DMBT1: variants seen among roughly 807,000 people sequenced by gnomAD.
DMBT1 encodes deleted in malignant brain tumors 1, also known as scavenger receptor cysteine-rich domain-containing protein DMBT1.
Under a neutral mutation model 252.9 loss-of-function variants are expected in DMBT1, and 198 were observed. The observed-to-expected ratio is 0.78, with a 90% CI of 0.70 to 0.88. The LOEUF is 0.88. DMBT1 is among the 40% of genes least tolerant of loss of function. The probability of loss-of-function intolerance (pLI) is 0.00; values close to 1 mark genes in which losing one functional copy is unlikely to be tolerated. For synonymous variants in DMBT1, 990 were observed against 942.7 expected, an observed-to-expected ratio of 1.05 and a Z score of -0.92; for missense variants, 2,432 against 2,404.7, an observed-to-expected ratio of 1.01 and a Z score of -0.24.
chr10:122,592,363 C>CTCG lies in DMBT1; in HGVS notation c.2268_2269insTCG (p.Thr756_Val757insSer). The CTCG allele has an allele frequency of 6.3e-7, 1 of 1,588,292 alleles. No individual in the cohort carries two copies. On this transcript the variant is annotated inframe_insertion, in exon 20 of 56. Coordinates refer to ENST00000338354, the MANE Select transcript of DMBT1 (RefSeq NM_001377530.1). ...TCCTATACCGAGGCTCCTGGGGCAC[C>CTCG]GTGTGTGATGACAGCTGGGATACCA... is the stretch of plus-strand genomic sequence containing the variant.
intron 1 of DMBT1, among the ~76,000 whole-genome samples, chr10:122,565,487 G>A (rs2097582218): frequency 6.6e-6 from 1 of 152,194 alleles, no homozygotes; most frequent in South Asian, 2.1e-4. Flanking sequence ...AAGATCCAGG[G>A]ATCTCTAGAT....
At chr10:122,597,894 T>G (rs3980978) in intron 24 of DMBT1, 80 bp from the exon 25 acceptor site, 3 of 1,605,422 alleles carry the variant, frequency 1.9e-6, no homozygotes, top group Non-Finnish European at 2.6e-6. Flanking sequence ...TCATGATGTT[T>G]GCCTTCTCCG....
At chr10:122,565,106 A>G (rs577690214) in intron 1 of DMBT1, among the ~76,000 whole-genome samples, 1 of 152,348 alleles carries the variant, frequency 6.6e-6, no homozygotes, top group Non-Finnish European at 1.5e-5. Context: ...TCACTAGTTC[A>G]TCTTCCTTCT....
intron 16 of DMBT1, among the ~76,000 whole-genome samples, chr10:122,586,751 T>C (rs1045439477): frequency 6.7e-6 from 1 of 148,600 alleles, no homozygotes; most frequent in African/African-American, 2.4e-5. Flanking sequence ...GCAGGCTGCA[T>C]AGGAGCATGG....
At chr10:122,630,899 GTTTGTTGTGGGACA>G (rs2098159546) in intron 48 of DMBT1, 48 bp from the exon 49 acceptor site, 2 of 1,524,602 alleles carry the variant, frequency 1.3e-6, no homozygotes, top group Non-Finnish European at 1.8e-6. Context: ...GGCCTTTGAG[GTTTGTTGTGGGACA>G]TTTGTTGTGG....
At chr10:122,640,978 A>G (rs1844429567) in intron 55 of DMBT1, among the ~76,000 whole-genome samples, 1 of 152,096 alleles carries the variant, frequency 6.6e-6, no homozygotes, top group African/African-American at 2.4e-5. Flanking sequence ...GGCTGTTGGG[A>G]GGATGGGATG....
chr10:122,638,073 C>G (rs996674244), intron 54 of DMBT1, among the ~76,000 whole-genome samples: 3 of 152,170 alleles, frequency 2.0e-5, no homozygotes. Flanking sequence ...CCCCTCACTC[C>G]CAGGCAAATG....
chr10:122,619,573 A>G (rs2098041139), intron 42 of DMBT1, among the ~76,000 whole-genome samples: 1 of 152,224 alleles, frequency 6.6e-6, no homozygotes, highest in African/African-American at 2.4e-5. Flanking sequence ...CATACTGTAC[A>G]ATGGACAAGC....
At position 122,570,897 on chromosome 10, in the gene DMBT1, A is replaced by G. The variant is rs781045919; in HGVS notation, c.147A>G (p.Pro49=). The G allele has an allele frequency of 4.3e-6, 7 of 1,613,104 alleles. No individual in the cohort carries two copies. Among genetic ancestry groups the G allele is most frequent in the East Asian group, 2.2e-5 (1 of 44,858 alleles). The change falls in exon 4 of 56, where the codon CCA becomes CCG. Residue 49 remains proline (P), a synonymous_variant. Transcript: ENST00000338354. Reference sequence around the variant, plus strand: ...CCTTTCTCCACCCTGCAGGTTCTCCATTTCCCTCGGAGTCGACCCTGGAGT... The same window carrying G: ...CCTTTCTCCACCCTGCAGGTTCTCCGTTTCCCTCGGAGTCGACCCTGGAGT... ...PLDPTVAEGS[P]FPSESTLEST...
intron 8 of DMBT1, 107 bp from the exon 9 acceptor site, chr10:122,578,611 C>G (rs141555000): frequency 1.0e-6 from 1 of 976,754 alleles, no homozygotes; most frequent in African/African-American, 1.6e-5. Context: ...GCCAGACCTT[C>G]GAGTGGAATT....
intron 48 of DMBT1, 80 bp from the exon 49 acceptor site, chr10:122,630,881 G>C (rs2098159194): frequency 6.2e-6 from 9 of 1,445,918 alleles, no homozygotes; most frequent in Non-Finnish European, 7.5e-6. Context: ...AAGGCCTGTG[G>C]GATGCTTGGC....
chr10:122,580,744 CTGTG>C, intron 10 of DMBT1, 118 bp from the exon 11 acceptor site: 1 of 1,381,018 alleles, frequency 7.2e-7, no homozygotes, highest in Admixed American at 1.7e-5. Context: ...ATGTCCCTCC[CTGTG>C]TGATAGGAAC....
chr10:122,619,517 G>A (rs1359287929), intron 42 of DMBT1, among the ~76,000 whole-genome samples, 180 bp downstream of exon 42: 2 of 152,212 alleles, frequency 1.3e-5, no homozygotes, highest in African/African-American at 2.4e-5. Context: ...GGTTCAGGAG[G>A]CTTCTGTCTT....
chr10:122,576,749 G>A (rs780969436), intron 7 of DMBT1, 27 bp downstream of exon 7: 8 of 1,613,266 alleles, frequency 5.0e-6, no homozygotes, highest in Non-Finnish European at 5.9e-6. Context: ...CTGGAGGGTT[G>A]GGTGTGGTGG....
In DMBT1 at chr10:122,591,570, T is replaced by A. The variant is rs765303331; in HGVS notation, c.2176+53T>A. 50 of 1,513,796 alleles carry A rather than the reference T, an allele frequency of 3.3e-5. 5 individuals carry two copies. Among genetic ancestry groups the A allele is most frequent in the Non-Finnish European group, 4.2e-5 (46 of 1,104,410 alleles). 93.8% of individuals were successfully genotyped at this position (1,513,796 alleles called of 1,614,324 possible). ...GGCTCACTCTCTACCTCTGGACAAA[T>A]GTTTTCTCTGAAAATGATAGGATGA... On this transcript the variant is annotated intron_variant, in intron 19 of 55. Transcript: ENST00000338354.
intron 46 of DMBT1, among the ~76,000 whole-genome samples, chr10:122,626,624 A>T (rs1288680269): frequency 6.6e-6 from 1 of 152,174 alleles, no homozygotes; most frequent in Non-Finnish European, 1.5e-5. Flanking sequence ...GTATTTTAAG[A>T]TCTTGCTGTG....
chr10:122,640,026 C>T lies in DMBT1; in HGVS notation c.6943-14C>T. Reference sequence around the variant, plus strand: ...ACATGTGCCTGACTCTGCTCTCTTGCCTGCCTCTCCTAGGCAGACAATGAC... The same window carrying T: ...ACATGTGCCTGACTCTGCTCTCTTGTCTGCCTCTCCTAGGCAGACAATGAC... On this transcript the variant is annotated splice_polypyrimidine_tract_variant and intron_variant, in intron 54 of 55. Coordinates refer to ENST00000338354, the MANE Select transcript of DMBT1 (RefSeq NM_001377530.1). 1 of 1,608,526 alleles carries T rather than the reference C, an allele frequency of 6.2e-7. No homozygotes were observed. The highest frequency in any genetic ancestry group is 8.5e-7 in the Non-Finnish European group (1 of 1,176,198).
chr10:122,572,282 A>G (rs777300359), intron 4 of DMBT1, 32 bp from the exon 5 acceptor site: 14 of 1,612,554 alleles, frequency 8.7e-6, no homozygotes, highest in Non-Finnish European at 1.2e-5. Flanking sequence ...AAGGGCTACC[A>G]TCAATGAGCT....
chr10:122,590,363 C>T (rs775618567), intron 17 of DMBT1, among the ~76,000 whole-genome samples: 11 of 148,926 alleles, frequency 7.4e-5, no homozygotes, highest in Non-Finnish European at 1.0e-4. Context: ...CTGGAGTGGC[C>T]TCTTCATACT....
Sources: gnomAD v4.1 joint callset for allele counts (sites outside exome capture counted in the v4.1 genomes callset) on GRCh38, gnomAD v4.1.1 for gene constraint, MANE v1.5 for transcripts, NCBI Gene and HGNC (gene_info 2026-07-23, HGNC 2026-07-21) for gene names.